HTR2C: variants seen among roughly 807,000 people sequenced by gnomAD.
HTR2C encodes 5-hydroxytryptamine (serotonin) receptor 2C, G protein-coupled.
Under a neutral mutation model 21.0 loss-of-function variants are expected in HTR2C, and 5 were observed. The ratio of observed to expected loss-of-function variants is 0.24; its 90% CI spans 0.12 to 0.50. The LOEUF (loss-of-function observed/expected upper bound fraction) is 0.50. Ranked by LOEUF, HTR2C falls within the 20% of genes least tolerant of loss-of-function variation. HTR2C has a pLI of 0.98. For missense variants in HTR2C, 271 were observed against 371.2 expected, an observed-to-expected ratio of 0.73 and a Z score of 2.22; for synonymous variants, 150 against 145.3, an observed-to-expected ratio of 1.03 and a Z score of -0.23.
Position 114,699,400 on chromosome X carries a change from G to C in HTR2C, c.-79-27458G>C, listed in dbSNP as rs146550424. ...TCCTGCCCCTTCCCTTCTTAGCACTGATCATAACCTCCAACAATATGGAAT... is the reference window on the plus strand; with the variant it reads ...TCCTGCCCCTTCCCTTCTTAGCACTCATCATAACCTCCAACAATATGGAAT... On this transcript the variant is annotated intron_variant, in intron 2 of 5. Transcript: ENST00000276198. Among the ~76,000 whole-genome samples, 39 of 111,085 alleles carry C rather than the reference G, an allele frequency of 3.5e-4. No homozygotes were observed. In the East Asian group the frequency reaches 0.011, roughly 30 times the overall value.
intron 4 of HTR2C, chrX:114,775,322 G>A (rs1277609652): frequency 1.9e-6 from 1 of 531,467 alleles, no homozygotes; most frequent in Non-Finnish European, 3.5e-6. Flanking sequence ...GGATGCCATT[G>A]GCATCAATGT....
At position 114,715,741 on chromosome X, in the gene HTR2C, C is replaced by T. The variant is rs192582175; in HGVS notation, c.-79-11117C>T. Among the ~76,000 whole-genome samples, 483 of 111,881 alleles carry T rather than the reference C, an allele frequency of 4.3e-3. 4 individuals are homozygous for T. Among genetic ancestry groups the T allele is most frequent in the Admixed American group, 8.6e-3 (90 of 10,503 alleles). ...CAAGCTATGGCTATGTACATGGATC[C>T]ATCTAATGTATTTACCCCAATCACT... is the stretch of plus-strand genomic sequence containing the variant. On this transcript the variant is annotated intron_variant, in intron 2 of 5. Coordinates refer to ENST00000276198, the MANE Select transcript of HTR2C (RefSeq NM_000868.4).
At chrX:114,616,023 C>T (rs1344626746) in intron 2 of HTR2C, among the ~76,000 whole-genome samples, 2 of 111,789 alleles carry the variant, frequency 1.8e-5, no homozygotes, top group African/African-American at 3.3e-5. Context: ...GCCTACTTCA[C>T]TTCTCTGTAA....
At chrX:114,659,997 T>C (rs1012111519) in intron 2 of HTR2C, among the ~76,000 whole-genome samples, 3 of 111,864 alleles carry the variant, frequency 2.7e-5, no homozygotes. Flanking sequence ...GCACCTTCCA[T>C]GACACAGGCT....
chrX:114,699,425 T>C (rs1478857450), intron 2 of HTR2C, among the ~76,000 whole-genome samples: 1 of 111,640 alleles, frequency 9.0e-6, no homozygotes, highest in Non-Finnish European at 1.9e-5. Flanking sequence ...CAATATGGAA[T>C]TGGTGTAATT....
rs781897023 is a variant in HTR2C, at chrX:114,909,182, A to C, written c.*1767A>C. The C allele has an allele frequency of 8.9e-6, 1 of 112,694 alleles. No individual in the cohort carries two copies. Among genetic ancestry groups the C allele is most frequent in the South Asian group, 3.7e-4 (1 of 2,720 alleles). 9.3% of individuals were successfully genotyped at this position (112,694 alleles called of 1,213,427 possible). The stretch of plus-strand genomic sequence containing the variant: ...CAGTCAATTGCTTGAGCATGCCCAA[A>C]TATAACATGAAAGTCAAGTCTACCT... On this transcript the variant is annotated 3_prime_UTR_variant, in exon 6 of 6. Coordinates refer to ENST00000276198, the MANE Select transcript of HTR2C (RefSeq NM_000868.4).
At chrX:114,595,129 G>A (rs1927780206) in intron 1 of HTR2C, among the ~76,000 whole-genome samples, 1 of 111,396 alleles carries the variant, frequency 9.0e-6, no homozygotes, top group East Asian at 2.8e-4. Context: ...GAAAACGAAG[G>A]GTAAGAAAGG....
intron 2 of HTR2C, among the ~76,000 whole-genome samples, chrX:114,637,208 T>C (rs1317709532): frequency 2.7e-5 from 3 of 111,539 alleles, no homozygotes; most frequent in African/African-American, 9.8e-5. Context: ...ATCAGAGATA[T>C]GAACAACTGA....
chrX:114,757,451 C>T (rs1379802259), intron 4 of HTR2C, among the ~76,000 whole-genome samples: 1 of 110,688 alleles, frequency 9.0e-6, no homozygotes, highest in Non-Finnish European at 1.9e-5. Context: ...CAAAACAAAA[C>T]AAACAAACAA....
intron 4 of HTR2C, among the ~76,000 whole-genome samples, chrX:114,762,693 T>TATCA (rs2069893136): frequency 1.8e-5 from 2 of 112,043 alleles, no homozygotes; most frequent in African/African-American, 6.5e-5. Flanking sequence ...TTTTAAACTT[T>TATCA]ATCATTTGAA....
At chrX:114,891,555 C>A (rs1162281284) in intron 5 of HTR2C, among the ~76,000 whole-genome samples, 1 of 110,142 alleles carries the variant, frequency 9.1e-6, no homozygotes, top group African/African-American at 3.3e-5. Flanking sequence ...CCCATCTTTC[C>A]CTTGTGCCTA....
chrX:114,685,386 T>C (rs781926390), intron 2 of HTR2C, among the ~76,000 whole-genome samples: 83 of 112,061 alleles, frequency 7.4e-4, no homozygotes, highest in Non-Finnish European at 2.6e-4. Flanking sequence ...ATGGAGACTG[T>C]CAGTAAAACT....
At position 114,787,288 on chromosome X, in the gene HTR2C, G is replaced by A. The variant is rs184383751; in HGVS notation, c.349+55681G>A. On this transcript the variant is annotated intron_variant, in intron 4 of 5. Coordinates refer to ENST00000276198, the MANE Select transcript of HTR2C (RefSeq NM_000868.4). ...GAAGCCAATTGTTGTAGTACACATTGCATCAGTTTGCATGCAATAACACAT... is the reference window on the plus strand; with the variant it reads ...GAAGCCAATTGTTGTAGTACACATTACATCAGTTTGCATGCAATAACACAT... Among the ~76,000 whole-genome samples, 65 of 112,018 alleles carry A rather than the reference G, an allele frequency of 5.8e-4. 1 individual carries two copies. The highest frequency in any genetic ancestry group is 3.3e-3 in the South Asian group (9 of 2,689).
intron 2 of HTR2C, among the ~76,000 whole-genome samples, chrX:114,673,445 A>G (rs1223163299): frequency 9.0e-6 from 1 of 110,923 alleles, no homozygotes; most frequent in Admixed American, 9.7e-5. Flanking sequence ...CTTTCAGAAA[A>G]CCCTCTTTGC....
chrX:114,875,043 G>A (rs2071122393), intron 5 of HTR2C, among the ~76,000 whole-genome samples: 2 of 111,217 alleles, frequency 1.8e-5, no homozygotes, highest in Admixed American at 1.9e-4. Flanking sequence ...TATAAGCCAG[G>A]AAGTCCAAGA....
chrX:114,674,982 C>T (rs1216160993), intron 2 of HTR2C, among the ~76,000 whole-genome samples: 8 of 112,396 alleles, frequency 7.1e-5, no homozygotes, highest in South Asian at 7.3e-4. Context: ...CGAAGAAATA[C>T]GGAAGTATAG....
chrX:114,701,624 A>G (rs782761846), intron 2 of HTR2C, among the ~76,000 whole-genome samples: 2 of 111,895 alleles, frequency 1.8e-5, no homozygotes, highest in Admixed American at 1.9e-4. Flanking sequence ...AACAGAGCAG[A>G]AAAACTGGAA....
chrX:114,726,986 A>T lies in HTR2C; in HGVS notation c.35+15A>T. 1 of 1,022,398 alleles carries T rather than the reference A, an allele frequency of 9.8e-7. No individual in the cohort carries two copies. The highest frequency in any genetic ancestry group is 2.4e-5 in the South Asian group (1 of 42,455). 84.3% of individuals were successfully genotyped at this position (1,022,398 alleles called of 1,213,427 possible). On this transcript the variant is annotated intron_variant, in intron 3 of 5. Transcript: ENST00000276198. ...CATTCATTCCTGTAAGGATGTTACT[A>T]CTTATTATTTTAGTAAAAAGATAAC...
chrX:114,820,019 G>T (rs1159528391), intron 4 of HTR2C, among the ~76,000 whole-genome samples: 1 of 110,067 alleles, frequency 9.1e-6, no homozygotes. Flanking sequence ...CTGGTCAGTT[G>T]TTCTGTCCAA....
Sources: allele counts gnomAD v4.1 joint callset (sites outside exome capture counted in the v4.1 genomes callset), GRCh38; gene constraint gnomAD v4.1.1; transcripts MANE v1.5; gene names NCBI Gene and HGNC (gene_info 2026-07-23, HGNC 2026-07-21).